Variants in RHOBTB1 observed in about 807,000 individuals in gnomAD.
RHOBTB1 encodes rho-related BTB domain-containing protein 1.
In RHOBTB1, 40 loss-of-function variants were observed where a neutral mutation model predicts 71.6. That is an observed-to-expected ratio of 0.56 (90% CI 0.43 to 0.73). The LOEUF is 0.73. RHOBTB1 is among the 30% of genes least tolerant of loss of function. The pLI is 0.00. For synonymous variants in RHOBTB1, 319 were observed against 334.9 expected, an observed-to-expected ratio of 0.95 and a Z score of 0.52; for missense variants, 797 against 894.0, an observed-to-expected ratio of 0.89 and a Z score of 1.38.
downstream of RHOBTB1, among the ~76,000 whole-genome samples, chr10:60,869,199 T>C (rs911677078): frequency 1.3e-5 from 2 of 152,214 alleles, no homozygotes; most frequent in Non-Finnish European, 2.9e-5. Flanking sequence ...GGCAGTACTA[T>C]GTCTAGTGAC....
intron 2 of RHOBTB1, among the ~76,000 whole-genome samples, chr10:60,956,541 A>G (rs2085598170): frequency 6.6e-6 from 1 of 152,172 alleles, no homozygotes; most frequent in Admixed American, 6.5e-5. Context: ...CTATTTTATA[A>G]TAACATTTGG....
At chr10:60,868,757 G>A (rs763749352), downstream of RHOBTB1, among the ~76,000 whole-genome samples, 8 of 152,150 alleles carry the variant, frequency 5.3e-5, no homozygotes, top group African/African-American at 9.7e-5. Context: ...CAGAAACTTA[G>A]ACCAAGACTT....
At chr10:60,907,355 G>A (rs1347408169) in intron 4 of RHOBTB1, among the ~76,000 whole-genome samples, 2 of 152,206 alleles carry the variant, frequency 1.3e-5, no homozygotes, top group African/African-American at 4.8e-5. Context: ...CAACTCTTGA[G>A]TTGAGCGACA....
chr10:60,981,838 C>T (rs1470056116), intron 2 of RHOBTB1, among the ~76,000 whole-genome samples: 6 of 151,994 alleles, frequency 3.9e-5, no homozygotes, highest in Admixed American at 3.9e-4. Flanking sequence ...GGTGCGACCT[C>T]GGCTCACTGC....
intron 2 of RHOBTB1, among the ~76,000 whole-genome samples, chr10:60,914,838 G>C (rs1326814516): frequency 6.6e-6 from 1 of 152,116 alleles, no homozygotes. Context: ...AACATCTATG[G>C]GTCCTCTAAT....
chr10:60,962,640 G>C (rs1293217012), intron 2 of RHOBTB1, among the ~76,000 whole-genome samples: 2 of 152,102 alleles, frequency 1.3e-5, no homozygotes, highest in Non-Finnish European at 2.9e-5. Context: ...CTCTAAAGAA[G>C]TTTTCCATTT....
At chr10:60,915,433 G>T (rs940443047) in intron 2 of RHOBTB1, among the ~76,000 whole-genome samples, 2 of 151,806 alleles carry the variant, frequency 1.3e-5, no homozygotes, top group African/African-American at 4.8e-5. Context: ...AGGAGACAAG[G>T]AAGGTAGAAA....
At chr10:60,895,338 A>G (rs914113087) in intron 4 of RHOBTB1, among the ~76,000 whole-genome samples, 1 of 152,194 alleles carries the variant, frequency 6.6e-6, no homozygotes, top group African/African-American at 2.4e-5. Context: ...TCATATTCAC[A>G]TTTAGGTGCT....
chr10:60,965,738 T>A (rs532418418), intron 2 of RHOBTB1, among the ~76,000 whole-genome samples: 1 of 152,124 alleles, frequency 6.6e-6, no homozygotes, highest in Non-Finnish European at 1.5e-5. Flanking sequence ...TATCCGTAGT[T>A]GGGGAATAAA....
At chr10:60,905,151 A>C (rs529685072) in intron 4 of RHOBTB1, among the ~76,000 whole-genome samples, 1 of 124,978 alleles carries the variant, frequency 8.0e-6, no homozygotes, top group East Asian at 2.4e-4. Context: ...ATAATACTTA[A>C]AAAAAAAAAA....
intron 2 of RHOBTB1, among the ~76,000 whole-genome samples, chr10:60,966,749 A>G (rs2085974681): frequency 1.3e-5 from 2 of 151,608 alleles, no homozygotes; most frequent in African/African-American, 4.9e-5. Context: ...CAGGTTTGTT[A>G]CATATGTATA....
intron 2 of RHOBTB1, among the ~76,000 whole-genome samples, chr10:60,967,737 A>T (rs1487186579): frequency 6.6e-6 from 1 of 152,078 alleles, no homozygotes; most frequent in Non-Finnish European, 1.5e-5. Context: ...CCATTTCTTT[A>T]TTCCTTAGAA....
In RHOBTB1 at chr10:60,954,203, T is replaced by C. The variant is rs566393062; in HGVS notation, c.-61-12349A>G. On this transcript the variant is annotated intron_variant, in intron 2 of 11. Transcript: ENST00000357917. ...GCAGTTATCAGCTCCTGTGGGAGAA[T>C]TTCCTTGGGCAAGTCAAGTCACTTC... 6.6e-5 allele frequency among the ~76,000 whole-genome samples: 10 copies of C among 152,270 alleles called. No individual in the cohort carries two copies. The South Asian group carries it at 2.1e-3, about 32-fold the overall frequency.
intron 2 of RHOBTB1, among the ~76,000 whole-genome samples, chr10:60,934,817 C>T (rs571502454): frequency 1.3e-4 from 20 of 152,060 alleles, no homozygotes; most frequent in African/African-American, 4.1e-4. Context: ...AGCTGGTGAA[C>T]GTGTATTGTA....
At chr10:60,865,407 A>G (rs891642190), downstream of RHOBTB1, among the ~76,000 whole-genome samples, 5 of 152,224 alleles carry the variant, frequency 3.3e-5, no homozygotes, top group African/African-American at 1.2e-4. Flanking sequence ...ATGCTTTGCT[A>G]TCTGAATACA....
chr10:60,981,885 T>C (rs529221426), intron 2 of RHOBTB1, among the ~76,000 whole-genome samples: 3 of 152,124 alleles, frequency 2.0e-5, no homozygotes, highest in Non-Finnish European at 4.4e-5. Context: ...TTCTCCTGCT[T>C]CAGCCTCCCA....
At chr10:60,955,154 C>T (rs1052376592) in intron 2 of RHOBTB1, among the ~76,000 whole-genome samples, 5 of 150,726 alleles carry the variant, frequency 3.3e-5, no homozygotes, top group Admixed American at 6.7e-5. Context: ...AAGCGATCCT[C>T]CTGCTTCAGC....
At chr10:60,931,682 A>T (rs1434112260) in intron 2 of RHOBTB1, among the ~76,000 whole-genome samples, 2 of 152,204 alleles carry the variant, frequency 1.3e-5, no homozygotes, top group South Asian at 4.1e-4. Context: ...TTGATAACAC[A>T]TAAATTGTTT....
chr10:60,863,390 T>A, the RHOBTB1 span, among the ~76,000 whole-genome samples: 1 of 152,156 alleles, frequency 6.6e-6, no homozygotes, highest in Non-Finnish European at 1.5e-5. Flanking sequence ...AGGATGCAAT[T>A]TTTTTCATCC....
Sources: allele counts gnomAD v4.1 joint callset (sites outside exome capture counted in the v4.1 genomes callset), GRCh38; gene constraint gnomAD v4.1.1; transcripts MANE v1.5; gene names NCBI Gene and HGNC (gene_info 2026-07-23, HGNC 2026-07-21).